FAM53A: variants seen among roughly 807,000 people sequenced by gnomAD.
FAM53A encodes family with sequence similarity 53 member A, also known as protein FAM53A.
A neutral mutation model predicts 26.6 loss-of-function variants in FAM53A; 28 were observed. The ratio of observed to expected loss-of-function variants is 1.05; its 90% CI spans 0.78 to 1.45. The LOEUF (loss-of-function observed/expected upper bound fraction) is 1.45. Ranked by LOEUF, FAM53A falls within the 40% of genes most tolerant of loss-of-function variation. The probability of loss-of-function intolerance (pLI) is 0.00; values close to 1 mark genes in which losing one functional copy is unlikely to be tolerated. For missense variants in FAM53A, 650 were observed against 575.8 expected (o/e 1.13, Z -1.32); for synonymous variants, 290 against 253.1 (o/e 1.15, Z -1.38).
chr4:1,672,012 A>G (rs1473573260), intron 1 of FAM53A, among the ~76,000 whole-genome samples: 1 of 95,862 alleles, frequency 1.0e-5, no homozygotes, highest in Non-Finnish European at 2.5e-5. Flanking sequence ...AGCGAGCAGC[A>G]GTGAACACAG....
chr4:1,637,388 G>A (rs1389971508), downstream of FAM53A, among the ~76,000 whole-genome samples: 1 of 152,218 alleles, frequency 6.6e-6, no homozygotes, highest in African/African-American at 2.4e-5. Context: ...GGGCAGGGCT[G>A]GAGGGAACGG....
At chr4:1,614,572 G>A (rs1307772654), downstream of FAM53A, among the ~76,000 whole-genome samples, 1 of 152,114 alleles carries the variant, frequency 6.6e-6, no homozygotes, top group Non-Finnish European at 1.5e-5. Context: ...CACAGCCCCA[G>A]AGCAGCGTCA....
chr4:1,603,279 G>A, the FAM53A span, among the ~76,000 whole-genome samples: 2 of 152,096 alleles, frequency 1.3e-5, no homozygotes, highest in African/African-American at 2.4e-5. Context: ...GCCAAGCATC[G>A]TCACCCACGG....
chr4:1,627,472 C>T (rs1007811596), intron 1 of FAM53A, among the ~76,000 whole-genome samples: 2 of 152,194 alleles, frequency 1.3e-5, no homozygotes, highest in African/African-American at 4.8e-5. Context: ...GGAAAGCACC[C>T]TGGGGTGCCA....
intron 1 of FAM53A, among the ~76,000 whole-genome samples, chr4:1,673,762 A>G (rs1048310965): frequency 1.3e-5 from 2 of 152,232 alleles, no homozygotes; most frequent in African/African-American, 4.8e-5. Context: ...TGTGCCCGCC[A>G]AGCACCAGCC....
At chr4:1,674,280 CAG>C (rs1041362656) in intron 1 of FAM53A, among the ~76,000 whole-genome samples, 24 of 152,214 alleles carry the variant, frequency 1.6e-4, no homozygotes, top group Non-Finnish European at 2.9e-4. Flanking sequence ...CCCAGCGCCA[CAG>C]AGTCTCTGTA....
intron 1 of FAM53A, among the ~76,000 whole-genome samples, chr4:1,677,367 C>T (rs935551731): frequency 1.3e-5 from 2 of 152,154 alleles, no homozygotes; most frequent in Non-Finnish European, 2.9e-5. Context: ...CTGCTGTTGC[C>T]GCTGTTCTAG....
the FAM53A span, among the ~76,000 whole-genome samples, chr4:1,595,613 T>C: frequency 1.3e-5 from 2 of 152,292 alleles, no homozygotes; most frequent in East Asian, 3.9e-4. Flanking sequence ...GCAGCCCTTG[T>C]CCTGTGCACA....
downstream of FAM53A, among the ~76,000 whole-genome samples, chr4:1,613,594 G>A (rs1469724935): frequency 2.0e-5 from 3 of 152,190 alleles, no homozygotes; most frequent in South Asian, 2.1e-4. Flanking sequence ...GATCCACACC[G>A]ACGTGCGTGG....
intron 3 of FAM53A, among the ~76,000 whole-genome samples, chr4:1,656,822 G>A (rs897165822): frequency 2.0e-5 from 3 of 152,286 alleles, no homozygotes; most frequent in Middle Eastern, 3.4e-3. Context: ...GGCGCTGGGC[G>A]TGTCACAGTC....
the FAM53A span, among the ~76,000 whole-genome samples, chr4:1,610,657 C>T: frequency 8.0e-5 from 12 of 150,266 alleles, no homozygotes; most frequent in South Asian, 1.5e-3. Flanking sequence ...ACGTGGGGGG[C>T]GGCCTGGGGT....
rs1475843199 is a variant in FAM53A at position 1,630,095 on chromosome 4, C to A, written c.432-11984G>T. 1.3e-5 allele frequency among the ~76,000 whole-genome samples: 2 copies of A among 152,244 alleles called. No individual in the cohort carries two copies. The highest frequency in any genetic ancestry group is 4.8e-5 in the African/African-American group (2 of 41,474). Reference sequence around the variant, plus strand: ...AGACCCCGCTGGACACCTCACCCGGCTGCCTGCCTGCCAGGTGTGGTGAGG... The same window carrying A: ...AGACCCCGCTGGACACCTCACCCGGATGCCTGCCTGCCAGGTGTGGTGAGG... On this transcript the variant is annotated intron_variant, in intron 1 of 1. Transcript: ENST00000489029. The surrounding 1 kb of genome is among the most constrained non-coding windows in gnomAD (Gnocchi z 4.3).
At chr4:1,682,217 T>C (rs1715485989) in intron 1 of FAM53A, among the ~76,000 whole-genome samples, 1 of 152,010 alleles carries the variant, frequency 6.6e-6, no homozygotes, top group East Asian at 1.9e-4. Flanking sequence ...TTCTTTAATA[T>C]CATTGCAGAA....
intron 3 of FAM53A, 38 bp from the exon 4 acceptor site, chr4:1,655,761 G>A: frequency 6.7e-7 from 1 of 1,501,998 alleles, no homozygotes; most frequent in Non-Finnish European, 8.8e-7. Flanking sequence ...GGAAGAGACA[G>A]GTGAGCCACA....
chr4:1,640,696 G>A lies in FAM53A; in HGVS notation c.*597C>T, dbSNP rs1711603090. 5.6e-6 allele frequency: 2 copies of A among 359,134 alleles called. No individual in the cohort carries two copies. The highest frequency in any genetic ancestry group is 1.0e-5 in the Non-Finnish European group (2 of 192,196). 22.2% of individuals were successfully genotyped at this position (359,134 alleles called of 1,614,324 possible). On this transcript the variant is annotated 3_prime_UTR_variant, in exon 5 of 5. Coordinates refer to ENST00000308132, the MANE Select transcript of FAM53A (RefSeq NM_001174070.3). ...ACATGAAACCTAGTCTGTGCCCCAG[G>A]GCAGTGCAGGCGGCAGCCGTGGCCC... is the stretch of plus-strand genomic sequence containing the variant.
intron 3 of FAM53A, among the ~76,000 whole-genome samples, chr4:1,657,033 T>C (rs969253727): frequency 2.0e-5 from 3 of 152,188 alleles, no homozygotes; most frequent in Non-Finnish European, 4.4e-5. Flanking sequence ...GGCCGCCCAG[T>C]ATGCCATGGC....
intron 1 of FAM53A, among the ~76,000 whole-genome samples, chr4:1,676,246 C>T (rs1167203380): frequency 6.6e-6 from 1 of 152,132 alleles, no homozygotes; most frequent in South Asian, 2.1e-4. Context: ...AGGGACTGAT[C>T]AGGCCTCCCT....
At chr4:1,638,028 C>A (rs1241351019), downstream of FAM53A, among the ~76,000 whole-genome samples, 1 of 151,956 alleles carries the variant, frequency 6.6e-6, no homozygotes, top group Non-Finnish European at 1.5e-5. Context: ...CACAGCTGAG[C>A]AGCCCCCACC....
intron 4 of FAM53A, chr4:1,644,998 T>G (rs1352637838): frequency 6.6e-6 from 1 of 152,306 alleles, no homozygotes; most frequent in Non-Finnish European, 1.5e-5. Context: ...AAGCGCAAGC[T>G]CCATCCACCA....
Sources: allele counts gnomAD v4.1 joint callset (sites outside exome capture counted in the v4.1 genomes callset), GRCh38; gene constraint gnomAD v4.1.1; non-coding constraint Gnocchi (gnomAD v3.1); transcripts MANE v1.5; gene names NCBI Gene and HGNC (gene_info 2026-07-23, HGNC 2026-07-21).